The following SNX29 variants were observed in gnomAD, a reference collection of about 807,000 sequenced individuals.
The protein encoded by SNX29 is sorting nexin 29, also known as sorting nexin-29.
SNX29 carries 78 observed loss-of-function variants against 102.1 expected under a neutral mutation model. The ratio of observed to expected loss-of-function variants is 0.76; its 90% CI spans 0.64 to 0.92. The LOEUF (loss-of-function observed/expected upper bound fraction) is 0.92. Among genes scored for constraint, SNX29 ranks in the 40% least tolerant of loss-of-function variants. The probability of loss-of-function intolerance (pLI) is 0.00; values close to 1 mark genes in which losing one functional copy is unlikely to be tolerated. For synonymous variants in SNX29, 580 were observed against 414.5 expected, an observed-to-expected ratio of 1.40 and a Z score of -4.85; for missense variants, 1,280 against 1,061.7, an observed-to-expected ratio of 1.21 and a Z score of -2.86.
chr16:12,264,781 A>AG (rs1393915631), intron 14 of SNX29, among the ~76,000 whole-genome samples: 2 of 151,888 alleles, frequency 1.3e-5, no homozygotes, highest in African/African-American at 4.8e-5. Flanking sequence ...AAAAAAAAAA[A>AG]GCTTCACAGG....
intron 18 of SNX29, among the ~76,000 whole-genome samples, chr16:12,447,533 G>C (rs1390698726): frequency 6.6e-6 from 1 of 152,194 alleles, no homozygotes. Flanking sequence ...ACAGAGCCGA[G>C]ATTTCATAAA....
intron 14 of SNX29, among the ~76,000 whole-genome samples, chr16:12,225,464 T>G (rs148072616): frequency 2.4e-4 from 36 of 152,312 alleles, no homozygotes; most frequent in African/African-American, 8.7e-4. Context: ...AACGGGACTT[T>G]CCCTGCACAA....
chr16:12,052,368 C>T, intron 8 of SNX29, 146 bp downstream of exon 8: 1 of 792,236 alleles, frequency 1.3e-6, no homozygotes, highest in Non-Finnish European at 2.0e-6. Flanking sequence ...AGGCACCTGT[C>T]ACCACACCCA....
chr16:12,491,911 T>A (rs1259413333), intron 19 of SNX29, among the ~76,000 whole-genome samples: 1 of 152,260 alleles, frequency 6.6e-6, no homozygotes, highest in Non-Finnish European at 1.5e-5. Context: ...TGCCACATTT[T>A]CTTAATCCAG....
rs550133632 is a variant in SNX29, at chr16:12,001,009, C to A, written c.69+1651C>A. On this transcript the variant is annotated intron_variant, in intron 2 of 20. Transcript: ENST00000566228. ...CTGGAGCCCATGTTATTAGCTGGTT[C>A]TTTCTCTGCTGCAGAAATGGAAAAT... Among the ~76,000 whole-genome samples the A allele has an allele frequency of 3.0e-4, 46 of 152,288 alleles. No homozygotes were observed. In the South Asian group the frequency reaches 9.5e-3, roughly 32 times the overall value.
chr16:12,263,673 A>G (rs920702860), intron 14 of SNX29, among the ~76,000 whole-genome samples: 1 of 152,256 alleles, frequency 6.6e-6, no homozygotes, highest in African/African-American at 2.4e-5. Context: ...AAACAAAGAG[A>G]AAACATTATA....
chr16:12,557,802 TATC>T (rs2078464055), intron 20 of SNX29: 1 of 152,236 alleles, frequency 6.6e-6, no homozygotes, highest in African/African-American at 2.4e-5. Flanking sequence ...ACAGGATCAC[TATC>T]ATATCTGCAG....
At chr16:12,197,625 T>C (rs1253453698) in intron 13 of SNX29, among the ~76,000 whole-genome samples, 1 of 152,186 alleles carries the variant, frequency 6.6e-6, no homozygotes, top group Non-Finnish European at 1.5e-5. Flanking sequence ...AGGGAAGATT[T>C]TGTCTCCCAC....
chr16:12,377,085 G>C (rs2082902095), intron 16 of SNX29, among the ~76,000 whole-genome samples: 2 of 152,306 alleles, frequency 1.3e-5, no homozygotes, highest in South Asian at 2.1e-4. Flanking sequence ...ACCTGGGAAA[G>C]AATGGCCAGA....
chr16:12,011,874 C>T lies in SNX29; in HGVS notation c.122+8831C>T, dbSNP rs141380244. The stretch of plus-strand genomic sequence containing the variant: ...AATCAGATAATAATAATGATACTCA[C>T]TTGCTAGGGTTATAGTCAGGATTAG... On this transcript the variant is annotated intron_variant, in intron 3 of 20. Transcript: ENST00000566228. Among the ~76,000 whole-genome samples the T allele has an allele frequency of 2.9e-3, 443 of 152,270 alleles. 2 individuals are homozygous for T. Among genetic ancestry groups the T allele is most frequent in the Non-Finnish European group, 4.7e-3 (319 of 68,018 alleles).
At chr16:12,393,790 A>C (rs569333205) in intron 16 of SNX29, among the ~76,000 whole-genome samples, 1 of 152,260 alleles carries the variant, frequency 6.6e-6, no homozygotes, top group African/African-American at 2.4e-5. Context: ...CTGTGAGACC[A>C]TGAAGTCCTT....
chr16:12,466,236 A>G (rs1241283405), intron 18 of SNX29, among the ~76,000 whole-genome samples: 1 of 152,244 alleles, frequency 6.6e-6, no homozygotes, highest in Non-Finnish European at 1.5e-5. Flanking sequence ...CATGTCATAT[A>G]GAAAACCTTA....
intron 11 of SNX29, among the ~76,000 whole-genome samples, chr16:12,099,038 G>A (rs984775029): frequency 1.3e-5 from 2 of 152,168 alleles, no homozygotes; most frequent in East Asian, 1.9e-4. Flanking sequence ...AAAATGGGAG[G>A]TCAGAGAACT....
intron 9 of SNX29, among the ~76,000 whole-genome samples, chr16:12,062,996 C>T (rs116654870): frequency 0.011 from 1,673 of 152,258 alleles, 30 homozygotes; most frequent in African/African-American, 0.037. Context: ...GTGTCCTCAT[C>T]TGGAAAATGG....
intron 19 of SNX29, among the ~76,000 whole-genome samples, chr16:12,487,620 CAG>C (rs1176433500): frequency 1.9e-4 from 29 of 152,226 alleles, no homozygotes; most frequent in Admixed American, 3.9e-4. Context: ...GCTGGTGATG[CAG>C]AGAGTCACCT....
intron 1 of SNX29, among the ~76,000 whole-genome samples, chr16:11,993,164 C>CATAAGTAA (rs2055919037): frequency 6.8e-6 from 1 of 146,410 alleles, no homozygotes. Flanking sequence ...GACTCTGTCT[C>CATAAGTAA]ATAAATAAAT....
chr16:12,020,692 C>T (rs969506013), intron 3 of SNX29, among the ~76,000 whole-genome samples: 7 of 150,940 alleles, frequency 4.6e-5, no homozygotes, highest in Non-Finnish European at 8.8e-5. Context: ...GGTGCCATCT[C>T]GGCTCACTGC....
chr16:12,521,165 G>A (rs2090084133), intron 19 of SNX29, among the ~76,000 whole-genome samples: 1 of 152,166 alleles, frequency 6.6e-6, no homozygotes, highest in African/African-American at 2.4e-5. Flanking sequence ...GGGCGACAGA[G>A]TGAGACACTG....
intron 18 of SNX29, among the ~76,000 whole-genome samples, chr16:12,443,912 G>T (rs1274896696): frequency 6.6e-6 from 1 of 152,240 alleles, no homozygotes; most frequent in East Asian, 1.9e-4. Context: ...TTCGAAACTT[G>T]CATAGCACCT....
Sources: allele counts gnomAD v4.1 joint callset (sites outside exome capture counted in the v4.1 genomes callset), GRCh38; gene constraint gnomAD v4.1.1; transcripts MANE v1.5; gene names NCBI Gene and HGNC (gene_info 2026-07-23, HGNC 2026-07-21).